PCDHGA7: variants seen among roughly 807,000 people sequenced by gnomAD.
The protein encoded by PCDHGA7 is protocadherin gamma subfamily A, 7, also known as protocadherin gamma-A7.
A neutral mutation model predicts 58.3 loss-of-function variants in PCDHGA7; 44 were observed. That is an observed-to-expected ratio of 0.75 (90% CI 0.59 to 0.97). The LOEUF (loss-of-function observed/expected upper bound fraction) is 0.97. PCDHGA7 is among the 50% of genes least tolerant of loss of function. The pLI is 0.00. For missense variants in PCDHGA7, 1,266 were observed against 1,188.7 expected, an observed-to-expected ratio of 1.06 and a Z score of -0.96; for synonymous variants, 516 against 504.2, an observed-to-expected ratio of 1.02 and a Z score of -0.31.
Position 141,392,778 on chromosome 5 carries a change from G to A in PCDHGA7, c.2424+7455G>A, listed in dbSNP as rs375878103. ...ACTAAATAAGACCCATTTATGCACA[G>A]TGAAGATTCTGAGAGGATTCTGCAG... On this transcript the variant is annotated intron_variant, in intron 1 of 3. Coordinates refer to ENST00000518325, the MANE Select transcript of PCDHGA7 (RefSeq NM_018920.4). 5 of 1,533,872 alleles carry A rather than the reference G, an allele frequency of 3.3e-6. No homozygotes were observed. The African/African-American group carries it at 6.9e-5, about 21-fold the overall frequency.
At chr5:141,391,258 T>C (rs1419386522) in intron 1 of PCDHGA7, 3 of 152,182 alleles carry the variant, frequency 2.0e-5, no homozygotes, top group African/African-American at 7.2e-5. Context: ...ACTGCTTCAG[T>C]TAATGGCCAC....
At chr5:141,433,404 TATTA>T (rs142533293) in intron 1 of PCDHGA7, among the ~76,000 whole-genome samples, 252 of 146,310 alleles carry the variant, frequency 1.7e-3, no homozygotes, top group African/African-American at 6.2e-3. Context: ...TCTATCTATC[TATTA>T]CTTTCTTGTA....
At chr5:141,398,372 G>C in intron 1 of PCDHGA7, 1 of 1,437,202 alleles carries the variant, frequency 7.0e-7, no homozygotes, top group Non-Finnish European at 9.7e-7. Context: ...GCAGAGAGCG[G>C]GGAGTTGCTT....
In PCDHGA7 at chr5:141,431,770, T is replaced by G. The variant is rs748816389; in HGVS notation, c.2424+46447T>G. The G allele has an allele frequency of 3.7e-6, 6 of 1,614,204 alleles. No homozygotes were observed. In the South Asian group the frequency reaches 6.6e-5, roughly 18 times the overall value. ...CGCGAGCCAAAGTCCTGATCACTGT[T>G]CTGGACGTGAACGACAATGCCCCAG... On this transcript the variant is annotated intron_variant, in intron 1 of 3. Coordinates refer to ENST00000518325, the MANE Select transcript of PCDHGA7 (RefSeq NM_018920.4). The surrounding 1 kb of genome is among the most constrained non-coding windows in gnomAD (Gnocchi z 4.8).
At chr5:141,419,761 C>A in intron 1 of PCDHGA7, 1 of 1,614,008 alleles carries the variant, frequency 6.2e-7, no homozygotes, top group South Asian at 1.1e-5. Context: ...CTTTGGGTGA[C>A]AAGGACTCGG....
In PCDHGA7 at chr5:141,512,739, T is replaced by C. The variant is rs1251649814; in HGVS notation, c.*1566T>C. The stretch of plus-strand genomic sequence containing the variant: ...GGCGGGTGGGCAGCGGGCGGCGGGC[T>C]CCGCGCAGCCGTCTGTCCTTGATCT... On this transcript the variant is annotated 3_prime_UTR_variant, in exon 4 of 4. Transcript: ENST00000518325. 1 of 152,822 alleles carries C rather than the reference T, an allele frequency of 6.5e-6. No individual in the cohort carries two copies. The highest frequency in any genetic ancestry group is 2.4e-5 in the African/African-American group (1 of 41,464). 9.5% of individuals were successfully genotyped at this position (152,822 alleles called of 1,614,324 possible).
intron 1 of PCDHGA7, chr5:141,423,365 T>A (rs1338039878): frequency 1.9e-6 from 3 of 1,614,096 alleles, no homozygotes; most frequent in South Asian, 1.1e-5. Context: ...ATCGTGCTGC[T>A]GGCACTCAGG....
At chr5:141,423,360 G>A (rs762976655) in intron 1 of PCDHGA7, 1 of 1,614,224 alleles carries the variant, frequency 6.2e-7, no homozygotes, top group Non-Finnish European at 8.5e-7. Context: ...TTGTCATCGT[G>A]CTGCTGGCAC....
At chr5:141,401,566 C>G (rs2094168998) in intron 1 of PCDHGA7, among the ~76,000 whole-genome samples, 1 of 152,312 alleles carries the variant, frequency 6.6e-6, no homozygotes, top group African/African-American at 2.4e-5. Context: ...CTGAATTTCT[C>G]TTGCTCGGAA....
At chr5:141,389,926 A>G (rs1442843006) in intron 1 of PCDHGA7, 2 of 1,613,766 alleles carry the variant, frequency 1.2e-6, no homozygotes, top group Non-Finnish European at 1.7e-6. Context: ...GACCCCTCTG[A>G]CCTCCAGGCT....
chr5:141,428,015 A>G, intron 1 of PCDHGA7: 5 of 1,604,042 alleles, frequency 3.1e-6, no homozygotes, highest in Non-Finnish European at 3.4e-6. Flanking sequence ...ATATAGTGCC[A>G]CGCGCCGCAG....
chr5:141,475,978 G>C, intron 1 of PCDHGA7: 1 of 1,010,712 alleles, frequency 9.9e-7, no homozygotes, highest in Non-Finnish European at 1.4e-6. Context: ...AGACTGAACA[G>C]CCGGCGAGCA....
At chr5:141,423,926 T>C (rs925790302) in intron 1 of PCDHGA7, 2 of 1,245,276 alleles carry the variant, frequency 1.6e-6, no homozygotes, top group Non-Finnish European at 2.0e-6. Flanking sequence ...CTATGCTGGT[T>C]TGGTTTGAAG....
At chr5:141,390,827 A>C (rs1026985432) in intron 1 of PCDHGA7, 1 of 164,666 alleles carries the variant, frequency 6.1e-6, no homozygotes, top group African/African-American at 2.4e-5. Flanking sequence ...TTTTATGTCC[A>C]TGGACCCCTT....
chr5:141,418,348 T>G (rs2096249125), intron 1 of PCDHGA7: 1 of 1,613,982 alleles, frequency 6.2e-7, no homozygotes, highest in African/African-American at 1.3e-5. Flanking sequence ...CTGATATTAG[T>G]ATGAATTCGC....
At position 141,486,783 on chromosome 5, in the gene PCDHGA7, C is replaced by A. The variant is rs905423670; in HGVS notation, c.2425-8024C>A. ...CAGACACTGCAGTTTGAGGTGCAGG[C>A]CCGGGATCGGGGCAACCCACCCCTT... On this transcript the variant is annotated intron_variant, in intron 1 of 3. Transcript: ENST00000518325. The surrounding 1 kb of genome is among the most constrained non-coding windows in gnomAD (Gnocchi z 5.0). 6.2e-7 allele frequency: 1 copy of A among 1,614,102 alleles called. No homozygotes were observed.
chr5:141,419,032 A>G (rs1421513275), intron 1 of PCDHGA7: 2 of 1,614,004 alleles, frequency 1.2e-6, no homozygotes, highest in Non-Finnish European at 1.7e-6. Flanking sequence ...GAGGTGTTCC[A>G]TTTAAGATTC....
intron 1 of PCDHGA7, among the ~76,000 whole-genome samples, chr5:141,446,107 T>C (rs1031524158): frequency 6.6e-6 from 1 of 152,130 alleles, no homozygotes; most frequent in Admixed American, 6.5e-5. Flanking sequence ...TATAGATATA[T>C]TTAGGAAATG....
chr5:141,396,654 T>G (rs1489747712), intron 1 of PCDHGA7: 1 of 151,996 alleles, frequency 6.6e-6, no homozygotes, highest in Non-Finnish European at 1.5e-5. Context: ...TAGTAAAAAC[T>G]CGGTATAGGC....
Sources: allele counts gnomAD v4.1 joint callset (sites outside exome capture counted in the v4.1 genomes callset), GRCh38; gene constraint gnomAD v4.1.1; non-coding constraint Gnocchi (gnomAD v3.1); transcripts MANE v1.5; gene names NCBI Gene and HGNC (gene_info 2026-07-23, HGNC 2026-07-21).